The following VWA3B variants were observed in gnomAD, a reference collection of about 807,000 sequenced individuals.
VWA3B encodes von Willebrand factor A domain containing 3B.
In VWA3B, 138 loss-of-function variants were observed where a neutral mutation model predicts 158.3. That is an observed-to-expected ratio of 0.87 (90% CI 0.76 to 1.00). The LOEUF is 1.00. Among genes scored for constraint, VWA3B ranks in the 50% least tolerant of loss-of-function variants. The pLI is 0.00. For missense variants in VWA3B, 1,555 were observed against 1,565.1 expected, an observed-to-expected ratio of 0.99 and a Z score of 0.11; for synonymous variants, 596 against 587.3, an observed-to-expected ratio of 1.01 and a Z score of -0.21.
intron 2 of VWA3B, among the ~76,000 whole-genome samples, chr2:98,107,523 T>A (rs371174909): frequency 2.6e-5 from 4 of 152,260 alleles, no homozygotes; most frequent in African/African-American, 7.2e-5. Flanking sequence ...AGATTCCTTT[T>A]TGAAGAAGTT....
chr2:98,241,468 G>A (rs1686067909), intron 19 of VWA3B, among the ~76,000 whole-genome samples: 2 of 151,874 alleles, frequency 1.3e-5, no homozygotes, highest in Non-Finnish European at 2.9e-5. Flanking sequence ...TCAGGAGGCA[G>A]GGCTGGGTGG....
intron 19 of VWA3B, 129 bp downstream of exon 19, chr2:98,236,859 AAG>A (rs1446496139): frequency 7.0e-6 from 9 of 1,286,392 alleles, no homozygotes; most frequent in Non-Finnish European, 9.6e-6. Flanking sequence ...AGTATTTGTA[AAG>A]GCAGTAAAAG....
intron 12 of VWA3B, among the ~76,000 whole-genome samples, chr2:98,209,509 T>G (rs886213101): frequency 6.6e-6 from 1 of 152,212 alleles, no homozygotes; most frequent in South Asian, 2.1e-4. Flanking sequence ...CTCGATCTCC[T>G]GACCTCATGA....
chr2:98,158,515 C>T (rs574401681), intron 7 of VWA3B, among the ~76,000 whole-genome samples: 3 of 152,334 alleles, frequency 2.0e-5, no homozygotes, highest in African/African-American at 7.2e-5. Flanking sequence ...GTCACCATCA[C>T]AGGCTTCTAG....
intron 6 of VWA3B, among the ~76,000 whole-genome samples, chr2:98,132,419 C>T (rs996027334): frequency 6.6e-6 from 1 of 152,214 alleles, no homozygotes; most frequent in African/African-American, 2.4e-5. Flanking sequence ...AGGAGGCTGC[C>T]TGGTCTGGTG....
chr2:98,233,191 A>G (rs946137523), intron 16 of VWA3B, among the ~76,000 whole-genome samples: 1 of 152,000 alleles, frequency 6.6e-6, no homozygotes. Flanking sequence ...CACTGCCACC[A>G]TTTCACTTAG....
chr2:98,330,194 AGACATTT>A, the VWA3B span, among the ~76,000 whole-genome samples: 1 of 152,172 alleles, frequency 6.6e-6, no homozygotes, highest in Non-Finnish European at 1.5e-5. Flanking sequence ...AGCCAACATC[AGACATTT>A]GCTTACACCC....
At chr2:98,301,395 CT>C (rs147696436) in intron 25 of VWA3B, among the ~76,000 whole-genome samples, 5,914 of 152,214 alleles carry the variant, frequency 0.039, 168 homozygotes, top group Middle Eastern at 0.075. Context: ...GCTTCACCCC[CT>C]GAGACTCAGT....
chr2:98,163,751 C>T (rs887999512), intron 8 of VWA3B, among the ~76,000 whole-genome samples: 1 of 152,102 alleles, frequency 6.6e-6, no homozygotes, highest in Non-Finnish European at 1.5e-5. Context: ...GCTAAACCAA[C>T]TTGACAGGAT....
chr2:98,100,023 C>A (rs911404068), intron 2 of VWA3B, among the ~76,000 whole-genome samples: 2 of 152,136 alleles, frequency 1.3e-5, no homozygotes, highest in African/African-American at 2.4e-5. Flanking sequence ...CTTAAAACAG[C>A]TACTTTGAAA....
intron 13 of VWA3B, 45 bp downstream of exon 13, chr2:98,212,073 G>A: frequency 6.4e-7 from 1 of 1,563,632 alleles, no homozygotes; most frequent in African/African-American, 1.4e-5. Flanking sequence ...CTGATGCTCT[G>A]AAAGCAAATG....
intron 17 of VWA3B, among the ~76,000 whole-genome samples, chr2:98,235,890 A>G (rs1685646733): frequency 6.6e-6 from 1 of 152,240 alleles, no homozygotes; most frequent in Admixed American, 6.5e-5. Flanking sequence ...ATTTATAAAT[A>G]CACATTTATA....
intron 9 of VWA3B, 134 bp downstream of exon 9, chr2:98,181,346 G>GGAACCCT: frequency 1.0e-6 from 1 of 955,344 alleles, no homozygotes; most frequent in Non-Finnish European, 1.6e-6. Context: ...TGAAGAACAG[G>GGAACCCT]GTTCCTCTGT....
intron 25 of VWA3B, among the ~76,000 whole-genome samples, chr2:98,300,832 C>G (rs746116437): frequency 6.6e-6 from 1 of 152,124 alleles, no homozygotes; most frequent in Non-Finnish European, 1.5e-5. Context: ...TTTCCCCAAG[C>G]GCCTCCTTCT....
intron 7 of VWA3B, among the ~76,000 whole-genome samples, chr2:98,150,096 C>A (rs1348551047): frequency 1.3e-5 from 2 of 152,180 alleles, no homozygotes; most frequent in Non-Finnish European, 2.9e-5. Flanking sequence ...TATATCAATG[C>A]TTCTTCTGAG....
At chr2:98,140,404 C>G (rs887213515) in intron 7 of VWA3B, among the ~76,000 whole-genome samples, 3 of 152,182 alleles carry the variant, frequency 2.0e-5, no homozygotes, top group Non-Finnish European at 2.9e-5. Flanking sequence ...TGCTGCTGAC[C>G]GGAAGCTGCC....
At chr2:98,324,819 C>T in the VWA3B span, among the ~76,000 whole-genome samples, 1 of 151,526 alleles carries the variant, frequency 6.6e-6, no homozygotes. Flanking sequence ...TAACTATGTT[C>T]ATTAAAGTCA....
chr2:98,227,979 T>A (rs1399438204), intron 14 of VWA3B, among the ~76,000 whole-genome samples: 1 of 152,240 alleles, frequency 6.6e-6, no homozygotes, highest in East Asian at 1.9e-4. Context: ...CTTCTTTTCC[T>A]GATACAGTTG....
intron 9 of VWA3B, among the ~76,000 whole-genome samples, chr2:98,181,764 T>A (rs1194927486): frequency 6.6e-6 from 1 of 152,170 alleles, no homozygotes; most frequent in Admixed American, 6.5e-5. Flanking sequence ...TGACTCTGGC[T>A]CCCAATGAAG....
Sources: allele counts gnomAD v4.1 joint callset (sites outside exome capture counted in the v4.1 genomes callset), GRCh38; gene constraint gnomAD v4.1.1; transcripts MANE v1.5; gene names NCBI Gene and HGNC (gene_info 2026-07-23, HGNC 2026-07-21).